The following BAZ2B variants were observed in gnomAD, a reference collection of about 807,000 sequenced individuals.
The protein encoded by BAZ2B is bromodomain adjacent to zinc finger domain 2B.
In BAZ2B, 91 loss-of-function variants were observed where a neutral mutation model predicts 246.0. The ratio of observed to expected loss-of-function variants is 0.37; its 90% CI spans 0.31 to 0.44. BAZ2B has a LOEUF of 0.44. Among genes scored for constraint, BAZ2B ranks in the 20% least tolerant of loss-of-function variants. The probability of loss-of-function intolerance (pLI) is 1.00; values close to 1 mark genes in which losing one functional copy is unlikely to be tolerated. For synonymous variants in BAZ2B, 855 were observed against 860.0 expected, an observed-to-expected ratio of 0.99 and a Z score of 0.10; for missense variants, 2,332 against 2,533.7, an observed-to-expected ratio of 0.92 and a Z score of 1.71.
Position 159,404,639 on chromosome 2 carries a change from G to A in BAZ2B, c.2832+210C>T, listed in dbSNP as rs556804406. The A allele has an allele frequency of 2.1e-5, 10 of 484,484 alleles. No individual in the cohort carries two copies. In the East Asian group the frequency reaches 3.0e-4, roughly 15 times the overall value. 30.0% of individuals were successfully genotyped at this position (484,484 alleles called of 1,614,324 possible). A position where few individuals can be genotyped will look rare whatever the true frequency, so the allele number is the denominator to read the frequency against. ...ATTAAAGTACTTACACAAATTTACT[G>A]TTTGGTAATCATTTCTTTAAACACT... On this transcript the variant is annotated intron_variant, in intron 16 of 36. Coordinates refer to ENST00000392783, the MANE Select transcript of BAZ2B (RefSeq NM_013450.4).
intron 2 of BAZ2B, among the ~76,000 whole-genome samples, chr2:159,491,283 C>A (rs762043111): frequency 2.0e-5 from 3 of 152,074 alleles, no homozygotes; most frequent in Admixed American, 1.3e-4. Flanking sequence ...CAAACATTCC[C>A]AATTTAAGTA....
chr2:159,692,900 CT>C, the BAZ2B span, among the ~76,000 whole-genome samples: 1 of 152,166 alleles, frequency 6.6e-6, no homozygotes, highest in Non-Finnish European at 1.5e-5. Flanking sequence ...CCTTGAACCC[CT>C]TGGCTCAAGC....
Position 159,412,535 on chromosome 2 carries a change from C to A in BAZ2B, c.2477G>T (p.Trp826Leu), listed in dbSNP as rs771106502. 1 of 1,612,884 alleles carries A rather than the reference C, an allele frequency of 6.2e-7. No individual in the cohort carries two copies. The highest frequency in any genetic ancestry group is 8.5e-7 in the Non-Finnish European group (1 of 1,179,438). Residue 826 changes from tryptophan to leucine, a missense_variant, in exon 14 of 37, where the codon TGG becomes TTG. Trp to Leu is a moderately conservative substitution (Grantham distance 61). Transcript: ENST00000392783. ...GACATCCTCTTCTTTCAAAAGACAC[C>A]ACTGCATTCCCTTTTAATTAACATT... ...EARDGPQGMQ[W>L]CLLKEEDVIP...
At chr2:159,536,565 C>T (rs568324476) in intron 2 of BAZ2B, among the ~76,000 whole-genome samples, 8 of 152,210 alleles carry the variant, frequency 5.3e-5, no homozygotes, top group East Asian at 1.9e-4. Flanking sequence ...ATAGCTACCA[C>T]GATGGTTCTG....
At chr2:159,625,682 A>C in the BAZ2B span, among the ~76,000 whole-genome samples, 1 of 152,204 alleles carries the variant, frequency 6.6e-6, no homozygotes. Context: ...AGGAAGCACT[A>C]AACATGGAAA....
At chr2:159,330,676 AG>A (rs752486879) in intron 34 of BAZ2B, among the ~76,000 whole-genome samples, 257 of 150,766 alleles carry the variant, frequency 1.7e-3, no homozygotes, top group Non-Finnish European at 2.5e-3. Context: ...CTGGGCACAT[AG>A]CGAGAACCCA....
intron 2 of BAZ2B, among the ~76,000 whole-genome samples, chr2:159,533,008 G>C (rs2085532020): frequency 1.3e-5 from 2 of 152,172 alleles, no homozygotes; most frequent in Admixed American, 1.3e-4. Context: ...TCCACAAAAA[G>C]TAAGAATAGG....
At chr2:159,361,339 CAT>C (rs2059670311) in intron 27 of BAZ2B, among the ~76,000 whole-genome samples, 2 of 152,180 alleles carry the variant, frequency 1.3e-5, no homozygotes, top group South Asian at 4.2e-4. Flanking sequence ...AGCCAACAAA[CAT>C]ATGAAAAAAA....
the BAZ2B span, among the ~76,000 whole-genome samples, chr2:159,656,125 A>T: frequency 6.6e-6 from 1 of 152,186 alleles, no homozygotes; most frequent in South Asian, 2.1e-4. Flanking sequence ...CTTAAAGTTC[A>T]GAATTTGTCT....
intron 2 of BAZ2B, among the ~76,000 whole-genome samples, chr2:159,520,766 C>A (rs2084041471): frequency 6.6e-6 from 1 of 152,098 alleles, no homozygotes; most frequent in African/African-American, 2.4e-5. Flanking sequence ...AAAATAATTT[C>A]AATTGTGAGA....
chr2:159,388,216 CAT>C (rs2062866347), intron 21 of BAZ2B, among the ~76,000 whole-genome samples: 1 of 151,974 alleles, frequency 6.6e-6, no homozygotes, highest in African/African-American at 2.4e-5. Flanking sequence ...TAAGTAAATA[CAT>C]ATCCTACTAA....
At chr2:159,496,855 A>C (rs1451585190) in intron 2 of BAZ2B, among the ~76,000 whole-genome samples, 2 of 151,052 alleles carry the variant, frequency 1.3e-5, no homozygotes, top group African/African-American at 2.4e-5. Context: ...GAGAATTCTG[A>C]TAAAAATTCA....
chr2:159,451,975 GA>G (rs2075150058), intron 4 of BAZ2B, among the ~76,000 whole-genome samples: 1 of 152,018 alleles, frequency 6.6e-6, no homozygotes, highest in African/African-American at 2.4e-5. Flanking sequence ...TATCTATTTT[GA>G]TATTTATTCA....
chr2:159,360,214 C>T (rs892037538), intron 27 of BAZ2B, among the ~76,000 whole-genome samples: 4 of 152,218 alleles, frequency 2.6e-5, no homozygotes, highest in Non-Finnish European at 5.9e-5. Context: ...ATCCCATCGT[C>T]TCAGCCCAAA....
At chr2:159,565,077 G>T (rs1231317248) in intron 1 of BAZ2B, among the ~76,000 whole-genome samples, 1 of 152,082 alleles carries the variant, frequency 6.6e-6, no homozygotes, top group Non-Finnish European at 1.5e-5. Context: ...CACCATGTTG[G>T]CCAGGCTGGT....
chr2:159,563,729 A>G (rs2090097800), intron 1 of BAZ2B, among the ~76,000 whole-genome samples: 1 of 152,180 alleles, frequency 6.6e-6, no homozygotes, highest in African/African-American at 2.4e-5. Context: ...AAGATGAAAA[A>G]AAGTAATGGT....
chr2:159,364,766 T>C (rs1031956419), intron 27 of BAZ2B, among the ~76,000 whole-genome samples: 5 of 152,174 alleles, frequency 3.3e-5, no homozygotes, highest in African/African-American at 1.2e-4. Flanking sequence ...GGTCGGCAGA[T>C]GTTGTGTGAC....
chr2:159,564,717 G>A (rs2090195145), intron 1 of BAZ2B, among the ~76,000 whole-genome samples: 1 of 152,162 alleles, frequency 6.6e-6, no homozygotes, highest in Non-Finnish European at 1.5e-5. Context: ...GCTGGTGGTG[G>A]TAGTGGTAAT....
At chr2:159,508,091 G>A (rs1181918612) in intron 2 of BAZ2B, among the ~76,000 whole-genome samples, 2 of 152,010 alleles carry the variant, frequency 1.3e-5, no homozygotes, top group Admixed American at 6.6e-5. Flanking sequence ...GGCTGGTCTC[G>A]AACTCCTGGC....
Sources: gnomAD v4.1 joint callset for allele counts (sites outside exome capture counted in the v4.1 genomes callset) on GRCh38, gnomAD v4.1.1 for gene constraint, MANE v1.5 for transcripts, NCBI Gene and HGNC (gene_info 2026-07-23, HGNC 2026-07-21) for gene names.